Variants in CUL2 observed in about 807,000 individuals in gnomAD.
CUL2 encodes cullin-2.
A neutral mutation model predicts 110.2 loss-of-function variants in CUL2; 22 were observed. The observed-to-expected ratio is 0.20, with a 90% CI of 0.14 to 0.28. The LOEUF is 0.28. CUL2 is among the 10% of genes least tolerant of loss of function. The pLI, the probability that CUL2 is intolerant of heterozygous loss-of-function variation, is 1.00. For synonymous variants in CUL2, 279 were observed against 293.2 expected (o/e 0.95, Z 0.49); for missense variants, 631 against 905.5 (o/e 0.70, Z 3.89).
chr10:35,058,232 A>T (rs867956712), intron 4 of CUL2, among the ~76,000 whole-genome samples: 3 of 152,206 alleles, frequency 2.0e-5, no homozygotes, highest in Non-Finnish European at 4.4e-5. Flanking sequence ...CAAAACTCCT[A>T]TGCCAAAACA....
chr10:35,120,256 T>C (rs2087662366), intron 1 of CUL2, among the ~76,000 whole-genome samples: 1 of 152,206 alleles, frequency 6.6e-6, no homozygotes, highest in Non-Finnish European at 1.5e-5. Context: ...CTCATGCTTA[T>C]GATTTCAGCT....
chr10:35,020,461 C>T (rs997378913), intron 17 of CUL2, among the ~76,000 whole-genome samples: 3 of 152,170 alleles, frequency 2.0e-5, no homozygotes, highest in African/African-American at 7.2e-5. Flanking sequence ...TCAATAGAAT[C>T]GTTATCTTTT....
intron 9 of CUL2, 85 bp downstream of exon 9, chr10:35,038,835 A>C: frequency 2.6e-6 from 2 of 759,010 alleles, no homozygotes; most frequent in Non-Finnish European, 4.1e-6. Flanking sequence ...TATTACTAAA[A>C]TAGGCATTAA....
chr10:35,015,172 A>G (rs1387878886), intron 18 of CUL2, among the ~76,000 whole-genome samples: 1 of 151,674 alleles, frequency 6.6e-6, no homozygotes, highest in African/African-American at 2.4e-5. Context: ...ACGTGCCTGT[A>G]GTCCCAGCTA....
chr10:35,094,137 A>G (rs1038414022), upstream of CUL2, among the ~76,000 whole-genome samples: 4 of 152,140 alleles, frequency 2.6e-5, no homozygotes, highest in African/African-American at 7.2e-5. Context: ...TCTTTATTTC[A>G]TCAATTACAC....
chr10:35,084,834 A>G (rs2087021751), intron 1 of CUL2, among the ~76,000 whole-genome samples: 1 of 152,186 alleles, frequency 6.6e-6, no homozygotes, highest in Non-Finnish European at 1.5e-5. Context: ...AACAACTGAT[A>G]GTTGGACAGG....
At chr10:35,048,275 T>C (rs1432757541) in intron 6 of CUL2, among the ~76,000 whole-genome samples, 6 of 152,202 alleles carry the variant, frequency 3.9e-5, no homozygotes, top group Non-Finnish European at 7.3e-5. Flanking sequence ...GAAACAATGC[T>C]TTAATGGAAG....
At chr10:35,071,406 T>G in intron 1 of CUL2, 67 bp from the exon 2 acceptor site, 4 of 1,420,646 alleles carry the variant, frequency 2.8e-6, no homozygotes, top group Non-Finnish European at 3.9e-6. Flanking sequence ...TGTTGTTGTT[T>G]TTTGTTTGTT....
At chr10:35,126,950 G>A (rs539833331), upstream of CUL2, 1 of 152,250 alleles carries the variant, frequency 6.6e-6, no homozygotes. Flanking sequence ...GTCCCGGCGT[G>A]GGGGAGGGGA....
chr10:35,070,470 A>AGAAGG, intron 2 of CUL2, among the ~76,000 whole-genome samples: 1 of 152,210 alleles, frequency 6.6e-6, no homozygotes, highest in Non-Finnish European at 1.5e-5. Flanking sequence ...TAATGAGGGC[A>AGAAGG]GCCCTTCTGT....
intron 10 of CUL2, among the ~76,000 whole-genome samples, chr10:35,033,606 G>A (rs779291295): frequency 4.6e-5 from 7 of 151,866 alleles, no homozygotes; most frequent in Admixed American, 3.3e-4. Context: ...ACGTGGTGGC[G>A]TCCACCTGTA....
intron 1 of CUL2, among the ~76,000 whole-genome samples, chr10:35,122,622 C>T (rs1036089379): frequency 2.6e-5 from 4 of 151,974 alleles, no homozygotes; most frequent in East Asian, 1.9e-4. Context: ...TAATAATATC[C>T]TTATTTTATT....
intron 16 of CUL2, 67 bp downstream of exon 16, chr10:35,028,743 G>C: frequency 9.8e-7 from 1 of 1,019,864 alleles, no homozygotes; most frequent in Middle Eastern, 2.1e-4. Flanking sequence ...AAATATTAAA[G>C]GTGATATAAT....
At chr10:35,116,238 GA>G (rs2087598254) in intron 1 of CUL2, among the ~76,000 whole-genome samples, 1 of 152,062 alleles carries the variant, frequency 6.6e-6, no homozygotes, top group African/African-American at 2.4e-5. Context: ...AGCTACTCCG[GA>G]GGCTGAGGCA....
chr10:35,097,464 T>C (rs1391194137), intron 2 of CUL2, among the ~76,000 whole-genome samples: 2 of 141,830 alleles, frequency 1.4e-5, no homozygotes, highest in East Asian at 4.2e-4. Flanking sequence ...CCCTCCAGCT[T>C]GGGCAACAGA....
At chr10:35,056,445 A>T (rs1032103857) in intron 4 of CUL2, among the ~76,000 whole-genome samples, 1 of 152,196 alleles carries the variant, frequency 6.6e-6, no homozygotes, top group Admixed American at 6.5e-5. Context: ...TACTCCTATG[A>T]TCATTTTATA....
intron 17 of CUL2, among the ~76,000 whole-genome samples, chr10:35,022,866 G>C (rs372814900): frequency 6.6e-6 from 1 of 152,086 alleles, no homozygotes; most frequent in East Asian, 1.9e-4. Flanking sequence ...CCAACATGGT[G>C]AAACACCGTC....
chr10:35,113,957 G>A (rs113563130), intron 1 of CUL2, among the ~76,000 whole-genome samples: 2 of 151,538 alleles, frequency 1.3e-5, no homozygotes, highest in African/African-American at 4.8e-5. Context: ...GCTCAGGCTG[G>A]AGTGCAGTGG....
At chr10:35,079,067 C>G (rs1589043840) in intron 1 of CUL2, among the ~76,000 whole-genome samples, 1 of 152,128 alleles carries the variant, frequency 6.6e-6, no homozygotes, top group African/African-American at 2.4e-5. Flanking sequence ...TTTCAAGATC[C>G]CCAGGAATGC....
Sources: allele counts gnomAD v4.1 joint callset (sites outside exome capture counted in the v4.1 genomes callset), GRCh38; gene constraint gnomAD v4.1.1; transcripts MANE v1.5; gene names NCBI Gene and HGNC (gene_info 2026-07-23, HGNC 2026-07-21).